The following MCC variants were observed in gnomAD, a reference collection of about 807,000 sequenced individuals.
MCC encodes the protein colorectal mutant cancer protein.
MCC carries 90 observed loss-of-function variants against 116.2 expected under a neutral mutation model. The ratio of observed to expected loss-of-function variants is 0.77; its 90% CI spans 0.65 to 0.92. MCC has a LOEUF of 0.92. Ranked by LOEUF, MCC falls within the 40% of genes least tolerant of loss-of-function variation. The probability of loss-of-function intolerance (pLI) is 0.00; values close to 1 mark genes in which losing one functional copy is unlikely to be tolerated. For missense variants in MCC, 1,516 were observed against 1,312.2 expected (o/e 1.16, Z -2.40); for synonymous variants, 578 against 510.5 (o/e 1.13, Z -1.78).
At chr5:113,080,881 A>C (rs1432655749) in intron 11 of MCC, among the ~76,000 whole-genome samples, 2 of 151,346 alleles carry the variant, frequency 1.3e-5, no homozygotes, top group Non-Finnish European at 2.9e-5. Flanking sequence ...TGTCCTATTT[A>C]TTTCCTTCTT....
At chr5:113,394,803 T>TTATA in intron 1 of MCC, among the ~76,000 whole-genome samples, 1 of 152,336 alleles carries the variant, frequency 6.6e-6, no homozygotes, top group African/African-American at 2.4e-5. Flanking sequence ...CTGATTTATT[T>TTATA]TATCTCACTT....
rs565995627 is a variant in MCC, at chr5:113,101,856, C to T, written c.1281G>A (p.Gly427=). 1.1e-5 allele frequency: 18 copies of T among 1,605,122 alleles called. No individual in the cohort carries two copies. The East Asian group carries it at 1.3e-4, about 12-fold the overall frequency. The change falls in exon 8 of 19, where the codon GGG becomes GGA. Residue 427 remains glycine (G), a synonymous_variant. Transcript: ENST00000408903. ...ERSRWEKELA[G]LREENESLTA... is the part of the protein sequence containing the mutation. Reference sequence around the variant, plus strand: ...TCAGGCTCTCATTCTCTTCCCTCAGCCCAGCCAGCTCCTTCTCCCACCGAG... The same window carrying T: ...TCAGGCTCTCATTCTCTTCCCTCAGTCCAGCCAGCTCCTTCTCCCACCGAG...
chr5:113,056,144 G>A (rs945223007), intron 14 of MCC, among the ~76,000 whole-genome samples: 1 of 152,146 alleles, frequency 6.6e-6, no homozygotes, highest in African/African-American at 2.4e-5. Context: ...TCTCTGCAAT[G>A]CCCTAAGAGC....
At position 113,434,300 on chromosome 5, in the gene MCC, C is replaced by T. The variant is rs34936289; in HGVS notation, c.171-49088G>A. 100,236 of 1,613,858 alleles carry T rather than the reference C, an allele frequency of 0.062. 5,133 individuals are homozygous for T. Among genetic ancestry groups the T allele is most frequent in the African/African-American group, 0.28 (20,747 of 74,884 alleles). On this transcript the variant is annotated intron_variant, in intron 1 of 18. Coordinates refer to ENST00000408903, the MANE Select transcript of MCC (RefSeq NM_001085377.2). The surrounding 1 kb of genome is among the most constrained non-coding windows in gnomAD (Gnocchi z 4.2). ...CCTGCAGCACCTCTGGGGCCGCATA[C>T]GCTGGTGACCCACAGAAGGTCTTGC...
chr5:113,115,034 G>C (rs571006826), intron 6 of MCC, among the ~76,000 whole-genome samples: 1 of 152,116 alleles, frequency 6.6e-6, no homozygotes, highest in Non-Finnish European at 1.5e-5. Context: ...AGCTGTCCAC[G>C]AACAGCAAAG....
At chr5:113,066,315 C>A (rs1753600827) in intron 13 of MCC, among the ~76,000 whole-genome samples, 1 of 152,028 alleles carries the variant, frequency 6.6e-6, no homozygotes, top group African/African-American at 2.4e-5. Flanking sequence ...TATCATTTTT[C>A]TTAATACGTA....
At chr5:113,053,094 G>C (rs6865320) in intron 15 of MCC, among the ~76,000 whole-genome samples, 30,317 of 152,132 alleles carry the variant, frequency 0.2, 3,168 homozygotes, top group Non-Finnish European at 0.25. Flanking sequence ...AGGTATGGCG[G>C]TTTAACTACT....
At chr5:113,256,983 C>A in intron 3 of MCC, among the ~76,000 whole-genome samples, 1 of 152,174 alleles carries the variant, frequency 6.6e-6, no homozygotes, top group East Asian at 1.9e-4. Flanking sequence ...GGAAAAGAAT[C>A]TGGCAGGAGG....
At chr5:113,133,099 G>A (rs759967358) in intron 5 of MCC, among the ~76,000 whole-genome samples, 1 of 152,110 alleles carries the variant, frequency 6.6e-6, no homozygotes, top group Non-Finnish European at 1.5e-5. Context: ...ATCAAGTCAG[G>A]ATAACTGGGA....
intron 6 of MCC, 23 bp downstream of exon 6, chr5:113,122,661 G>A: frequency 6.2e-7 from 1 of 1,609,558 alleles, no homozygotes; most frequent in Non-Finnish European, 8.5e-7. Flanking sequence ...CTCTGGCTTG[G>A]TGGCAAGGGC....
At chr5:113,287,006 A>G (rs1412978631) in intron 3 of MCC, among the ~76,000 whole-genome samples, 1 of 149,150 alleles carries the variant, frequency 6.7e-6, no homozygotes, top group African/African-American at 2.5e-5. Context: ...TGTGTAATCC[A>G]CATTACTTGC....
chr5:113,484,965 CG>C, intron 1 of MCC, among the ~76,000 whole-genome samples: 1 of 152,272 alleles, frequency 6.6e-6, no homozygotes, highest in Admixed American at 6.5e-5. Flanking sequence ...CCAAATCCAG[CG>C]GGGTCCCAGC....
chr5:113,264,190 A>C (rs2150349828), intron 3 of MCC, among the ~76,000 whole-genome samples: 1 of 152,354 alleles, frequency 6.6e-6, no homozygotes, highest in East Asian at 1.9e-4. Context: ...ATGCTTTTTT[A>C]ATGCAGTTTG....
At chr5:113,371,953 T>C (rs1199751516) in intron 2 of MCC, among the ~76,000 whole-genome samples, 1 of 152,264 alleles carries the variant, frequency 6.6e-6, no homozygotes, top group Non-Finnish European at 1.5e-5. Context: ...TAATCATTTT[T>C]CTTCCATGAA....
chr5:113,440,517 A>G (rs1554083917), intron 1 of MCC, among the ~76,000 whole-genome samples: 1 of 152,176 alleles, frequency 6.6e-6, no homozygotes, highest in Non-Finnish European at 1.5e-5. Flanking sequence ...TTCTCAATGC[A>G]CAATGCTCTA....
chr5:113,441,987 A>G (rs1390297312), intron 1 of MCC, among the ~76,000 whole-genome samples: 1 of 152,172 alleles, frequency 6.6e-6, no homozygotes, highest in African/African-American at 2.4e-5. Flanking sequence ...AATGATTTAT[A>G]ATCCTTTGGG....
chr5:113,029,205 GCTA>G (rs1447755274), intron 17 of MCC, 149 bp from the exon 18 acceptor site: 1 of 597,280 alleles, frequency 1.7e-6, no homozygotes, highest in Non-Finnish European at 2.7e-6. Context: ...GCCCAACAGC[GCTA>G]CTGTCACCTG....
chr5:113,392,157 G>C (rs553302851), intron 1 of MCC, among the ~76,000 whole-genome samples: 2 of 151,914 alleles, frequency 1.3e-5, no homozygotes, highest in East Asian at 3.9e-4. Flanking sequence ...CTTGAGGCCA[G>C]GAGTTCAAGG....
chr5:113,334,698 C>A (rs1471958706), intron 3 of MCC, among the ~76,000 whole-genome samples: 1 of 147,076 alleles, frequency 6.8e-6, no homozygotes, highest in Non-Finnish European at 1.5e-5. Context: ...TCAAGTAATT[C>A]TCTGGTCTCA....
Sources: allele counts gnomAD v4.1 joint callset (sites outside exome capture counted in the v4.1 genomes callset), GRCh38; gene constraint gnomAD v4.1.1; non-coding constraint Gnocchi (gnomAD v3.1); transcripts MANE v1.5; gene names NCBI Gene and HGNC (gene_info 2026-07-23, HGNC 2026-07-21).